The following TAS2R1 variants were observed in gnomAD, a reference collection of about 807,000 sequenced individuals.
TAS2R1 encodes taste 2 receptor member 1, also known as taste receptor type 2 member 1.
For missense variants in TAS2R1, 370 were observed against 353.4 expected, an observed-to-expected ratio of 1.05 and a Z score of -0.38; for synonymous variants, 141 against 134.2, an observed-to-expected ratio of 1.05 and a Z score of -0.35.
chr5:9,892,501 A>C, the TAS2R1 span, among the ~76,000 whole-genome samples: 3 of 152,100 alleles, frequency 2.0e-5, no homozygotes, highest in Non-Finnish European at 4.4e-5. Flanking sequence ...TGTCTAGTTG[A>C]GCTGGTGTCC....
intron 1 of TAS2R1, among the ~76,000 whole-genome samples, chr5:9,690,971 T>C (rs778215496): frequency 1.3e-5 from 2 of 152,156 alleles, no homozygotes; most frequent in Non-Finnish European, 2.9e-5. Context: ...CAGGCCTCAC[T>C]CGACAAAGTG....
At chr5:9,781,476 C>G in the TAS2R1 span, among the ~76,000 whole-genome samples, 1 of 152,186 alleles carries the variant, frequency 6.6e-6, no homozygotes, top group African/African-American at 2.4e-5. Flanking sequence ...CCAAGCGACT[C>G]TCCTAATCTG....
the TAS2R1 span, among the ~76,000 whole-genome samples, chr5:9,825,605 G>C: frequency 6.6e-6 from 1 of 152,160 alleles, no homozygotes; most frequent in Non-Finnish European, 1.5e-5. Context: ...TCCTCCTGGG[G>C]AGGCATGATA....
the TAS2R1 span, among the ~76,000 whole-genome samples, chr5:9,868,805 T>C: frequency 6.6e-6 from 1 of 152,222 alleles, no homozygotes; most frequent in Admixed American, 6.5e-5. Flanking sequence ...TTTCCTCTGC[T>C]GCATACCCTA....
At chr5:9,789,174 G>T in the TAS2R1 span, among the ~76,000 whole-genome samples, 9 of 152,274 alleles carry the variant, frequency 5.9e-5, no homozygotes, top group South Asian at 2.1e-4. Context: ...CAACCCAGGA[G>T]CCTGGGAAAG....
the TAS2R1 span, among the ~76,000 whole-genome samples, chr5:9,748,631 ATAG>A: frequency 0.055 from 8,295 of 152,042 alleles, 658 homozygotes; most frequent in African/African-American, 0.17. Context: ...AGGGAGGGAG[ATAG>A]TAGGCTTTTT....
At chr5:9,822,021 G>T in the TAS2R1 span, among the ~76,000 whole-genome samples, 95 of 152,288 alleles carry the variant, frequency 6.2e-4, no homozygotes, top group African/African-American at 2.2e-3. Flanking sequence ...AGTTGACTCT[G>T]TGGTCATGAC....
At chr5:9,875,795 T>C in the TAS2R1 span, among the ~76,000 whole-genome samples, 1 of 152,168 alleles carries the variant, frequency 6.6e-6, no homozygotes, top group Non-Finnish European at 1.5e-5. Context: ...GTTACAGTGA[T>C]TGGCATAAAC....
intron 1 of TAS2R1, among the ~76,000 whole-genome samples, chr5:9,707,832 C>T (rs1741649565): frequency 1.3e-5 from 2 of 152,112 alleles, no homozygotes; most frequent in Admixed American, 6.5e-5. Context: ...AACTACTGTG[C>T]AGGAGCTGCA....
intron 2 of TAS2R1, chr5:9,641,727 A>C (rs1740089167): frequency 6.6e-6 from 1 of 152,238 alleles, no homozygotes; most frequent in East Asian, 1.9e-4. Flanking sequence ...TAAATATTTT[A>C]ACACTCAACA....
the TAS2R1 span, among the ~76,000 whole-genome samples, chr5:9,762,830 T>A: frequency 1.3e-5 from 2 of 152,228 alleles, no homozygotes; most frequent in African/African-American, 4.8e-5. Context: ...TAAACTTACT[T>A]AGGAAATTAT....
chr5:9,765,439 T>C, the TAS2R1 span: 1 of 151,766 alleles, frequency 6.6e-6, no homozygotes, highest in Admixed American at 6.6e-5. Context: ...AAATTAGGTA[T>C]GAATAAATGC....
rs113154445 is a variant in TAS2R1 at position 9,640,004 on chromosome 5, G to A, written c.-80-10012C>T. ...AATTTTCTTCAAACAGTTTTCCTTT[G>A]CATTCACAACCTAAGCATTTGGCCT... On this transcript the variant is annotated intron_variant, in intron 2 of 2. Transcript: ENST00000506620. Among the ~76,000 whole-genome samples the A allele has an allele frequency of 5.0e-3, 759 of 152,178 alleles. 2 individuals carry two copies. The highest frequency in any genetic ancestry group is 7.9e-3 in the Non-Finnish European group (536 of 68,004).
At chr5:9,671,720 C>G (rs1293983832) in intron 1 of TAS2R1, among the ~76,000 whole-genome samples, 1 of 151,988 alleles carries the variant, frequency 6.6e-6, no homozygotes, top group East Asian at 1.9e-4. Flanking sequence ...TTGCCCGAAG[C>G]AATTTACAGA....
chr5:9,702,235 C>A (rs907101680), intron 1 of TAS2R1, among the ~76,000 whole-genome samples: 5 of 152,198 alleles, frequency 3.3e-5, no homozygotes, highest in African/African-American at 1.2e-4. Context: ...GGCATTTATT[C>A]ATTAACTATG....
chr5:9,798,278 C>G, the TAS2R1 span, among the ~76,000 whole-genome samples: 1 of 152,060 alleles, frequency 6.6e-6, no homozygotes, highest in Non-Finnish European at 1.5e-5. Context: ...AGGAATGTTT[C>G]TGGGGTAGTG....
the TAS2R1 span, among the ~76,000 whole-genome samples, chr5:9,841,059 T>A: frequency 9.1e-4 from 138 of 152,126 alleles, no homozygotes; most frequent in Admixed American, 1.6e-3. Context: ...TTCAGCACTT[T>A]AAAGCTTTTA....
chr5:9,634,117 A>G (rs1739925234), upstream of TAS2R1, among the ~76,000 whole-genome samples: 2 of 151,984 alleles, frequency 1.3e-5, no homozygotes, highest in South Asian at 4.1e-4. Flanking sequence ...GGTTGTTTTT[A>G]TAAGGTGAAA....
At chr5:9,683,195 ATAT>A (rs1456378952) in intron 1 of TAS2R1, among the ~76,000 whole-genome samples, 1 of 151,952 alleles carries the variant, frequency 6.6e-6, no homozygotes, top group African/African-American at 2.4e-5. Flanking sequence ...TTTAATATTA[ATAT>A]TATGTATTAT....
Sources: gnomAD v4.1 joint callset for allele counts (sites outside exome capture counted in the v4.1 genomes callset) on GRCh38, gnomAD v4.1.1 for gene constraint, MANE v1.5 for transcripts, NCBI Gene and HGNC (gene_info 2026-07-23, HGNC 2026-07-21) for gene names.